TNS3: variants seen among roughly 807,000 people sequenced by gnomAD.
TNS3 encodes the protein tensin 3.
A neutral mutation model predicts 140.9 loss-of-function variants in TNS3; 45 were observed. The observed-to-expected ratio is 0.32, with a 90% CI of 0.25 to 0.41. The LOEUF (loss-of-function observed/expected upper bound fraction) is 0.41. Among genes scored for constraint, TNS3 ranks in the 10% least tolerant of loss-of-function variants. The probability of loss-of-function intolerance (pLI) is 1.00; values close to 1 mark genes in which losing one functional copy is unlikely to be tolerated. For synonymous variants in TNS3, 815 were observed against 788.4 expected, an observed-to-expected ratio of 1.03 and a Z score of -0.56; for missense variants, 1,716 against 1,906.7, an observed-to-expected ratio of 0.90 and a Z score of 1.86.
At chr7:47,576,868 G>A (rs1053614996) in intron 1 of TNS3, among the ~76,000 whole-genome samples, 18 of 152,212 alleles carry the variant, frequency 1.2e-4, no homozygotes, top group Non-Finnish European at 1.0e-4. Context: ...AGCAGAGCCC[G>A]GGCTCTCCTG....
Position 47,302,255 on chromosome 7 carries a change from G to A in TNS3, c.3475C>T (p.Leu1159Phe), listed in dbSNP as rs1786448190. The change falls in exon 23 of 31, where the codon CTT (leucine) becomes TTT (phenylalanine). Residue 1159 changes from leucine (L) to phenylalanine (F), a missense_variant. Leu to Phe is a conservative substitution (Grantham distance 22). This residue lies in a region of TNS3 where 1,163 missense variants were observed against 1,182.1 expected (regional missense o/e 0.98). Transcript: ENST00000311160. ...TCTTGAACAAATTTCACGATCACAA[G>A]TTTATCACCTGGACTATCTGTAAAG... ...SPLPDSPGDKLVIVKFVQDTS... is the reference protein window; with the variant it reads ...SPLPDSPGDKFVIVKFVQDTS... 1.2e-6 allele frequency: 2 copies of A among 1,614,126 alleles called. No homozygotes were observed. The highest frequency in any genetic ancestry group is 2.7e-5 in the African/African-American group (2 of 75,066).
chr7:47,465,908 G>C (rs1796691370), intron 4 of TNS3, among the ~76,000 whole-genome samples: 1 of 149,200 alleles, frequency 6.7e-6, no homozygotes, highest in Non-Finnish European at 1.5e-5. Context: ...TGGGCAACAA[G>C]AGCGAAACTC....
At chr7:47,440,717 C>T (rs1795425235) in intron 5 of TNS3, among the ~76,000 whole-genome samples, 1 of 152,092 alleles carries the variant, frequency 6.6e-6, no homozygotes. Context: ...GGAAAAGGTT[C>T]CAGGGAGAGG....
At chr7:47,452,935 T>G in intron 4 of TNS3, 1 of 985,498 alleles carries the variant, frequency 1.0e-6, no homozygotes, top group Non-Finnish European at 1.2e-6. Context: ...GAACTTACTG[T>G]GCTGGGCCTG....
chr7:47,329,553 GA>G (rs1469467921), intron 20 of TNS3, among the ~76,000 whole-genome samples: 1 of 152,194 alleles, frequency 6.6e-6, no homozygotes, highest in Non-Finnish European at 1.5e-5. Context: ...CATGGGCCAG[GA>G]AGATCCCTGG....
In TNS3 at chr7:47,369,023, C is replaced by T; in HGVS notation, c.1623G>A (p.Leu541=). 2 of 1,614,060 alleles carry T rather than the reference C, an allele frequency of 1.2e-6. No individual in the cohort carries two copies. Among genetic ancestry groups the T allele is most frequent in the Non-Finnish European group, 1.7e-6 (2 of 1,180,042 alleles). Residue 541 remains leucine (L), a synonymous_variant, in exon 17 of 31, where the codon CTG becomes CTA. Transcript: ENST00000311160. ...CATAGGGGCCGTCCATGCCAAGGCCCAGGTCCGGAACGAGGGTGCCCTGCG... is the reference window on the plus strand; with the variant it reads ...CATAGGGGCCGTCCATGCCAAGGCCTAGGTCCGGAACGAGGGTGCCCTGCG... ...EDPQGTLVPD[L]GLGMDGPYER...
intron 17 of TNS3, among the ~76,000 whole-genome samples, chr7:47,353,278 G>A (rs996810988): frequency 2.0e-5 from 3 of 152,124 alleles, no homozygotes; most frequent in Non-Finnish European, 2.9e-5. Flanking sequence ...TTGCTAAGTC[G>A]GTGAGCTCTG....
intron 20 of TNS3, among the ~76,000 whole-genome samples, chr7:47,339,507 T>C (rs760342591): frequency 1.3e-4 from 20 of 152,302 alleles, no homozygotes; most frequent in Non-Finnish European, 2.4e-4. Flanking sequence ...CATATCTGTG[T>C]AGGCCTGTTT....
At chr7:47,326,362 T>C (rs1410426287) in intron 20 of TNS3, among the ~76,000 whole-genome samples, 1 of 152,138 alleles carries the variant, frequency 6.6e-6, no homozygotes, top group Non-Finnish European at 1.5e-5. Context: ...AAAACTATGT[T>C]CTTTCCACAA....
intron 2 of TNS3, among the ~76,000 whole-genome samples, chr7:47,514,028 G>A (rs1213344240): frequency 1.3e-5 from 2 of 152,248 alleles, no homozygotes; most frequent in Non-Finnish European, 2.9e-5. Flanking sequence ...CCAGGCCACT[G>A]TCTTACAGGG....
chr7:47,389,091 AGGAAGAGGAAGC>A lies in TNS3; in HGVS notation c.1024+7697_1024+7708del, dbSNP rs1562675392. ...GAAGAAGAAGAAGAAGAAGAGGAAG[AGGAAGAGGAAGC>A]GGAAGCAGAAGAAGAAGAAGAAGAA... On this transcript the variant is annotated intron_variant, in intron 16 of 30. Transcript: ENST00000311160. Among the ~76,000 whole-genome samples the A allele has an allele frequency of 1.3e-4, 10 of 74,984 alleles. 2 individuals carry two copies. Among genetic ancestry groups the A allele is most frequent in the African/African-American group, 5.5e-4 (9 of 16,232 alleles). The allele number at this position is 74,984 out of a possible 152,430, so 49.2% of individuals were successfully genotyped here.
intron 23 of TNS3, among the ~76,000 whole-genome samples, chr7:47,298,825 C>A (rs150058614): frequency 6.6e-6 from 1 of 152,240 alleles, no homozygotes; most frequent in African/African-American, 2.4e-5. Flanking sequence ...ATGTCTGCAC[C>A]GTGGCCCTGT....
intron 20 of TNS3, among the ~76,000 whole-genome samples, chr7:47,330,921 G>A (rs1788304431): frequency 6.6e-6 from 1 of 152,084 alleles, no homozygotes; most frequent in Non-Finnish European, 1.5e-5. Flanking sequence ...GTCCTACAGG[G>A]GCTGCATCCC....
chr7:47,373,040 G>A lies in TNS3; in HGVS notation c.1025-3419C>T, dbSNP rs74512859. The stretch of plus-strand genomic sequence containing the variant: ...GACAACCCCCTGCACCTACACCTCC[G>A]TGGTCTTCAGTGGGGGCAGGAGAGT... On this transcript the variant is annotated intron_variant, in intron 16 of 30. Coordinates refer to ENST00000311160, the MANE Select transcript of TNS3 (RefSeq NM_022748.12). Among the ~76,000 whole-genome samples, 1,101 of 152,232 alleles carry A rather than the reference G, an allele frequency of 7.2e-3. 15 individuals are homozygous for A. Among genetic ancestry groups the A allele is most frequent in the African/African-American group, 0.025 (1,044 of 41,518 alleles).
chr7:47,461,953 A>G (rs940555635), intron 4 of TNS3, among the ~76,000 whole-genome samples: 5 of 152,318 alleles, frequency 3.3e-5, no homozygotes, highest in South Asian at 2.1e-4. Flanking sequence ...GGAAATTTCA[A>G]TGACTCATTG....
intron 20 of TNS3, among the ~76,000 whole-genome samples, chr7:47,323,651 C>T (rs1190625191): frequency 6.6e-6 from 1 of 152,174 alleles, no homozygotes; most frequent in Non-Finnish European, 1.5e-5. Context: ...TCACCATAAA[C>T]GGATAAGATA....
At chr7:47,392,364 C>T (rs1792573222) in intron 16 of TNS3, among the ~76,000 whole-genome samples, 2 of 152,192 alleles carry the variant, frequency 1.3e-5, no homozygotes, top group South Asian at 4.1e-4. Context: ...AGCCAGCGCT[C>T]CCCTAACAGG....
chr7:47,570,598 T>C (rs548308154), intron 1 of TNS3, among the ~76,000 whole-genome samples: 25 of 152,366 alleles, frequency 1.6e-4, no homozygotes, highest in Middle Eastern at 3.4e-3. Flanking sequence ...TGGGAAAATG[T>C]GCCGGCATTT....
At chr7:47,301,904 T>C (rs1201367781) in intron 23 of TNS3, among the ~76,000 whole-genome samples, 2 of 152,236 alleles carry the variant, frequency 1.3e-5, no homozygotes, top group African/African-American at 4.8e-5. Context: ...AGCCAGTGGC[T>C]GGTGCAAGCA....
Sources: gnomAD v4.1 joint callset for allele counts (sites outside exome capture counted in the v4.1 genomes callset) on GRCh38, gnomAD v4.1.1 for gene constraint, gnomAD v4.1.1 regional missense constraint, MANE v1.5 for transcripts, NCBI Gene and HGNC (gene_info 2026-07-23, HGNC 2026-07-21) for gene names.